AHI1: variants seen among roughly 807,000 people sequenced by gnomAD.
The protein encoded by AHI1 is jouberin.
Under a neutral mutation model 149.3 loss-of-function variants are expected in AHI1, and 123 were observed. The observed-to-expected ratio is 0.82, with a 90% confidence interval of 0.71 to 0.96. The LOEUF (loss-of-function observed/expected upper bound fraction) is 0.96, where lower values mean the gene tolerates loss of function less well. AHI1 is among the 40% of genes least tolerant of loss of function. The probability of loss-of-function intolerance (pLI) is 0.00; values close to 1 mark genes in which losing one functional copy is unlikely to be tolerated. For missense variants in AHI1, 1,439 were observed against 1,422.7 expected (o/e 1.01, Z -0.18); for synonymous variants, 475 against 459.8 (o/e 1.03, Z -0.42).
intron 5 of AHI1, among the ~76,000 whole-genome samples, chr6:135,476,517 A>G (rs906649651): frequency 2.0e-5 from 3 of 152,056 alleles, no homozygotes; most frequent in African/African-American, 7.2e-5. Context: ...AGTTACTGAA[A>G]TCTACATTCT....
chr6:135,448,518 TA>T (rs1234611165), intron 11 of AHI1, 43 bp from the exon 12 acceptor site: 1 of 1,344,558 alleles, frequency 7.4e-7, no homozygotes, highest in Non-Finnish European at 9.9e-7. Flanking sequence ...TCATTGAAAA[TA>T]AATATATCCA....
chr6:135,382,568 T>C (rs1463458173), intron 23 of AHI1, among the ~76,000 whole-genome samples: 3 of 152,128 alleles, frequency 2.0e-5, no homozygotes, highest in Admixed American at 6.6e-5. Context: ...AGTATGCACT[T>C]CACTTCTCTA....
Position 135,429,183 on chromosome 6 carries a change from G to A in AHI1, c.2493-424C>T, listed in dbSNP as rs543709291. ...TGATGAATTTTTAAAATAATACAAGGAATATTTGATCTCTGAAAAAAAATT... is the reference window on the plus strand; with the variant it reads ...TGATGAATTTTTAAAATAATACAAGAAATATTTGATCTCTGAAAAAAAATT... On this transcript the variant is annotated intron_variant, in intron 18 of 28. Transcript: ENST00000265602. Among the ~76,000 whole-genome samples the A allele has an allele frequency of 1.2e-4, 18 of 151,336 alleles. 1 individual carries two copies. The South Asian group carries it at 3.8e-3, about 32-fold the overall frequency.
chr6:135,418,140 C>T (rs1782652173), intron 20 of AHI1, among the ~76,000 whole-genome samples: 1 of 152,088 alleles, frequency 6.6e-6, no homozygotes, highest in South Asian at 2.1e-4. Context: ...CAGTCTCACT[C>T]CCATCTTTTC....
At chr6:135,341,841 T>C (rs1240100247) in intron 24 of AHI1, among the ~76,000 whole-genome samples, 2 of 151,950 alleles carry the variant, frequency 1.3e-5, no homozygotes, top group African/African-American at 4.8e-5. Context: ...TAGCTGTAAA[T>C]GTTTTTATTA....
At chr6:135,492,540 A>G in intron 3 of AHI1, 1 of 983,170 alleles carries the variant, frequency 1.0e-6, no homozygotes. Flanking sequence ...AAACAAAAAA[A>G]ACATTTTGAA....
At chr6:135,494,458 T>A (rs1795695626) in intron 3 of AHI1, among the ~76,000 whole-genome samples, 1 of 152,248 alleles carries the variant, frequency 6.6e-6, no homozygotes, top group South Asian at 2.1e-4. Context: ...ATACCAGTTC[T>A]ATCTGCCAGC....
intron 20 of AHI1, among the ~76,000 whole-genome samples, chr6:135,417,884 C>G (rs1782612774): frequency 6.6e-6 from 1 of 151,974 alleles, no homozygotes; most frequent in South Asian, 2.1e-4. Flanking sequence ...TTGTATCAGA[C>G]TATATAGATT....
In AHI1 at chr6:135,451,021, G is replaced by A. The variant is rs142328505; in HGVS notation, c.1440+2320C>T. Among the ~76,000 whole-genome samples the A allele has an allele frequency of 2.9e-3, 434 of 150,894 alleles. 7 individuals carry two copies. The highest frequency in any genetic ancestry group is 0.014 in the Middle Eastern group (4 of 292). The stretch of plus-strand genomic sequence containing the variant: ...GCCACTTCCCTTTTTTTTTGAGATG[G>A]AGTCTCACTCTGTCACCCAGGCTGG... On this transcript the variant is annotated intron_variant, in intron 11 of 28. Coordinates refer to ENST00000265602, the MANE Select transcript of AHI1 (RefSeq NM_001134831.2).
intron 23 of AHI1, among the ~76,000 whole-genome samples, chr6:135,386,719 C>T (rs576156665): frequency 4.7e-4 from 71 of 152,218 alleles, no homozygotes; most frequent in African/African-American, 1.6e-3. Context: ...CAACTTCCGC[C>T]TCCCAGGTTC....
intron 5 of AHI1, among the ~76,000 whole-genome samples, chr6:135,470,636 TA>T (rs1162987188): frequency 2.5e-3 from 380 of 151,578 alleles, no homozygotes; most frequent in African/African-American, 9.0e-3. Context: ...TAGGCAGCCA[TA>T]AAAAGGAACG....
In AHI1 at chr6:135,427,147, T is replaced by C. The variant is rs769524895; in HGVS notation, c.2764+20A>G. 1.2e-6 allele frequency: 2 copies of C among 1,604,462 alleles called. No homozygotes were observed. Among genetic ancestry groups the C allele is most frequent in the Admixed American group, 3.4e-5 (2 of 59,210 alleles). ...AAAGGTTACTCTAAAAATTCTTTAC[T>C]TATCAAGTGGTAGACTTACCATGGA... On this transcript the variant is annotated intron_variant, in intron 20 of 28. Transcript: ENST00000265602.
chr6:135,406,981 C>G (rs764736959), intron 21 of AHI1, among the ~76,000 whole-genome samples: 1 of 152,070 alleles, frequency 6.6e-6, no homozygotes, highest in Admixed American at 6.6e-5. Flanking sequence ...TCAAGATACC[C>G]GTGAAGTCTT....
chr6:135,424,044 T>C (rs981723737), intron 20 of AHI1, among the ~76,000 whole-genome samples: 22 of 151,794 alleles, frequency 1.4e-4, no homozygotes, highest in African/African-American at 5.3e-4. Flanking sequence ...GTATAGAAAA[T>C]ACAAGGAAAC....
At chr6:135,417,146 A>G (rs981657127) in intron 20 of AHI1, among the ~76,000 whole-genome samples, 2 of 152,116 alleles carry the variant, frequency 1.3e-5, no homozygotes, top group African/African-American at 4.8e-5. Context: ...AAACAAATGC[A>G]TATCATGTTT....
intron 23 of AHI1, among the ~76,000 whole-genome samples, chr6:135,380,248 A>T (rs528478670): frequency 1.3e-5 from 2 of 152,094 alleles, no homozygotes; most frequent in Non-Finnish European, 2.9e-5. Context: ...CCAACCATGG[A>T]TTGAAACTAT....
rs1796167368 is a variant in AHI1, at chr6:135,497,663, GC to G, written c.-283del. The G allele has an allele frequency of 6.1e-6, 1 of 163,506 alleles. No homozygotes were observed. Among genetic ancestry groups the G allele is most frequent in the Admixed American group, 6.5e-5 (1 of 15,298 alleles). 10.1% of individuals were successfully genotyped at this position (163,506 alleles called of 1,614,324 possible). ...AAATCAACTCCCCCAGCCTAGCGGC[GC>G]GTGCGCGAAGTGAGGCGGCCACGCA... On this transcript the variant is annotated 5_prime_UTR_variant, in exon 1 of 29. Coordinates refer to ENST00000265602, the MANE Select transcript of AHI1 (RefSeq NM_001134831.2).
chr6:135,340,247 C>T (rs1790081138), intron 24 of AHI1, among the ~76,000 whole-genome samples: 1 of 152,198 alleles, frequency 6.6e-6, no homozygotes, highest in Non-Finnish European at 1.5e-5. Flanking sequence ...TGGCACATGC[C>T]TGTAATCTCA....
intron 13 of AHI1, among the ~76,000 whole-genome samples, chr6:135,444,126 T>C (rs1269431058): frequency 2.0e-5 from 3 of 152,192 alleles, no homozygotes; most frequent in Non-Finnish European, 4.4e-5. Flanking sequence ...TTTACTACCT[T>C]GTCAGTCACT....
Sources: allele counts gnomAD v4.1 joint callset (sites outside exome capture counted in the v4.1 genomes callset), GRCh38; gene constraint gnomAD v4.1.1; transcripts MANE v1.5; gene names NCBI Gene and HGNC (gene_info 2026-07-23, HGNC 2026-07-21).